Variants in CFAP58 observed in about 807,000 individuals in gnomAD.
The protein encoded by CFAP58 is cilia- and flagella-associated protein 58.
A neutral mutation model predicts 119.5 loss-of-function variants in CFAP58; 88 were observed. The ratio of observed to expected loss-of-function variants is 0.74; its 90% CI spans 0.62 to 0.88. CFAP58 has a LOEUF of 0.88. Ranked by LOEUF, CFAP58 falls within the 40% of genes least tolerant of loss-of-function variation. The pLI is 0.00. For synonymous variants in CFAP58, 365 were observed against 366.3 expected (o/e 1.00, Z 0.04); for missense variants, 990 against 1,021.2 (o/e 0.97, Z 0.42).
At chr10:104,409,811 CT>C in intron 15 of CFAP58, among the ~76,000 whole-genome samples, 1 of 151,824 alleles carries the variant, frequency 6.6e-6, no homozygotes, top group Non-Finnish European at 1.5e-5. Context: ...TACTTTTAAA[CT>C]TTTGGTGTCT....
At chr10:104,424,365 C>T (rs995113752) in intron 15 of CFAP58, among the ~76,000 whole-genome samples, 3 of 152,200 alleles carry the variant, frequency 2.0e-5, no homozygotes, top group Non-Finnish European at 4.4e-5. Flanking sequence ...GGCCAGTATA[C>T]TGTCTGTTCT....
chr10:104,412,253 A>G (rs894511506), intron 15 of CFAP58, among the ~76,000 whole-genome samples: 2 of 152,202 alleles, frequency 1.3e-5, no homozygotes, highest in African/African-American at 4.8e-5. Flanking sequence ...AATAGTACCC[A>G]TAGAATTGTG....
intron 9 of CFAP58, among the ~76,000 whole-genome samples, chr10:104,390,136 C>T (rs185857993): frequency 2.0e-5 from 3 of 152,220 alleles, no homozygotes. Context: ...GAATCCATCC[C>T]ACAGAAATAA....
At chr10:104,432,044 G>T (rs1336089501) in intron 15 of CFAP58, among the ~76,000 whole-genome samples, 2 of 151,858 alleles carry the variant, frequency 1.3e-5, no homozygotes, top group East Asian at 3.9e-4. Context: ...CAAGTTTCCT[G>T]TACACATACA....
intron 15 of CFAP58, among the ~76,000 whole-genome samples, chr10:104,420,377 C>T (rs11192050): frequency 0.018 from 2,752 of 152,244 alleles, 82 homozygotes; most frequent in East Asian, 0.15. Flanking sequence ...GTTTAAAAAC[C>T]GGTTTATACC....
intron 15 of CFAP58, among the ~76,000 whole-genome samples, chr10:104,439,858 G>C (rs543462839): frequency 4.4e-4 from 67 of 152,118 alleles, no homozygotes; most frequent in African/African-American, 1.3e-3. Flanking sequence ...CTCGCTCTGT[G>C]GCCCAGGCTG....
chr10:104,408,050 A>G (rs2133052185), intron 15 of CFAP58, among the ~76,000 whole-genome samples: 1 of 152,328 alleles, frequency 6.6e-6, no homozygotes, highest in South Asian at 2.1e-4. Context: ...AGGAACTTCT[A>G]TATATGAGTA....
chr10:104,444,094 G>A (rs2013078163), intron 15 of CFAP58, among the ~76,000 whole-genome samples: 2 of 152,194 alleles, frequency 1.3e-5, no homozygotes, highest in Admixed American at 1.3e-4. Flanking sequence ...TTTGGTATTA[G>A]TAGTTGAGCT....
intron 7 of CFAP58, among the ~76,000 whole-genome samples, chr10:104,375,269 T>C (rs1307574275): frequency 6.6e-6 from 1 of 151,036 alleles, no homozygotes; most frequent in African/African-American, 2.4e-5. Context: ...AATATATTTA[T>C]ATACACGTAT....
intron 15 of CFAP58, among the ~76,000 whole-genome samples, chr10:104,441,970 G>T (rs955411417): frequency 2.0e-5 from 3 of 152,174 alleles, no homozygotes; most frequent in Admixed American, 2.0e-4. Context: ...AGATAGAAAT[G>T]TAATATGTTT....
intron 7 of CFAP58, among the ~76,000 whole-genome samples, chr10:104,374,518 C>A (rs1374427805): frequency 1.6e-5 from 2 of 126,346 alleles, no homozygotes; most frequent in African/African-American, 3.0e-5. Context: ...GAGAAATTGG[C>A]AAAGGGCAAA....
chr10:104,439,892 T>G (rs2013007676), intron 15 of CFAP58, among the ~76,000 whole-genome samples: 1 of 152,202 alleles, frequency 6.6e-6, no homozygotes, highest in Middle Eastern at 3.2e-3. Context: ...CGATCTCGGC[T>G]CACTGCAAGC....
At chr10:104,421,966 A>G (rs897749233) in intron 15 of CFAP58, among the ~76,000 whole-genome samples, 49 of 152,158 alleles carry the variant, frequency 3.2e-4, no homozygotes, top group Admixed American at 3.2e-3. Context: ...TGGGTGGATC[A>G]CCTGAGGTCA....
the CFAP58 span, among the ~76,000 whole-genome samples, chr10:104,343,247 C>T: frequency 6.6e-6 from 1 of 152,218 alleles, no homozygotes; most frequent in African/African-American, 2.4e-5. Flanking sequence ...TTGCATTTGG[C>T]TATTTCATTC....
At chr10:104,393,013 G>A (rs1203360077) in intron 10 of CFAP58, among the ~76,000 whole-genome samples, 1 of 152,162 alleles carries the variant, frequency 6.6e-6, no homozygotes, top group African/African-American at 2.4e-5. Flanking sequence ...GAATTCCAGA[G>A]CTTCACTTCA....
chr10:104,426,511 A>G (rs969790114), intron 15 of CFAP58, among the ~76,000 whole-genome samples: 3 of 150,890 alleles, frequency 2.0e-5, no homozygotes, highest in Non-Finnish European at 4.4e-5. Flanking sequence ...AAGACTGTTT[A>G]AACTTTGATT....
intron 10 of CFAP58, among the ~76,000 whole-genome samples, chr10:104,393,083 G>A (rs1367641205): frequency 6.6e-6 from 1 of 152,180 alleles, no homozygotes. Context: ...GAGGAATAAG[G>A]TGTGTGCGTG....
the CFAP58 span, among the ~76,000 whole-genome samples, chr10:104,341,591 T>G: frequency 1.3e-5 from 2 of 151,596 alleles, no homozygotes; most frequent in Admixed American, 1.3e-4. Context: ...GTTGGTAATA[T>G]ATCAGTCAAA....
Position 104,393,468 on chromosome 10 carries a change from C to T in CFAP58, c.1667C>T (p.Thr556Ile), listed in dbSNP as rs1274466776. 1 of 1,613,544 alleles carries T rather than the reference C, an allele frequency of 6.2e-7. No individual in the cohort carries two copies. Among genetic ancestry groups the T allele is most frequent in the South Asian group, 1.1e-5 (1 of 91,002 alleles). ...EQQRIEKEKE[T>I]LKAELQKLRQ... ...CAGCGAATAGAAAAGGAAAAGGAAA[C>T]ATTGAAGGTACTGACCTCATAGTAA... Residue 556 changes from threonine (T) to isoleucine (I), a missense_variant, in exon 11 of 18, where the codon ACA becomes ATA. By Grantham distance (89) the Thr-to-Ile change is moderately conservative. Coordinates refer to ENST00000369704, the MANE Select transcript of CFAP58 (RefSeq NM_001008723.2).
Sources: gnomAD v4.1 joint callset for allele counts (sites outside exome capture counted in the v4.1 genomes callset) on GRCh38, gnomAD v4.1.1 for gene constraint, MANE v1.5 for transcripts, NCBI Gene and HGNC (gene_info 2026-07-23, HGNC 2026-07-21) for gene names.